PCDH11X: variants seen among roughly 807,000 people sequenced by gnomAD.
The protein encoded by PCDH11X is protocadherin 11 X-linked, also known as protocadherin-11 X-linked.
PCDH11X carries 18 observed loss-of-function variants against 53.3 expected under a neutral mutation model. The observed-to-expected ratio is 0.34, with a 90% CI of 0.23 to 0.50. The LOEUF (loss-of-function observed/expected upper bound fraction) is 0.50. PCDH11X is among the 20% of genes least tolerant of loss of function. The pLI, the probability that PCDH11X is intolerant of heterozygous loss-of-function variation, is 0.98. For missense variants in PCDH11X, 570 were observed against 1,032.4 expected, an observed-to-expected ratio of 0.55 and a Z score of 6.14; for synonymous variants, 279 against 393.3, an observed-to-expected ratio of 0.71 and a Z score of 3.44.
At chrX:92,229,999 T>C (rs946458712) in intron 7 of PCDH11X, among the ~76,000 whole-genome samples, 2 of 110,825 alleles carry the variant, frequency 1.8e-5, no homozygotes, top group African/African-American at 6.5e-5. Flanking sequence ...TTTTCAAGTT[T>C]AGAAACCCGG....
intron 6 of PCDH11X, among the ~76,000 whole-genome samples, chrX:91,902,595 T>C (rs1179228988): frequency 2.7e-5 from 3 of 109,240 alleles, no homozygotes; most frequent in Non-Finnish European, 5.7e-5. Flanking sequence ...TGATGAGTTC[T>C]GATCTCCATA....
chrX:92,229,067 C>G (rs753889434), intron 7 of PCDH11X, among the ~76,000 whole-genome samples: 2 of 111,820 alleles, frequency 1.8e-5, no homozygotes, highest in Non-Finnish European at 3.8e-5. Context: ...AAATTATGCA[C>G]TACAGACTTT....
At chrX:92,321,937 C>A (rs2069224713) in intron 8 of PCDH11X, among the ~76,000 whole-genome samples, 1 of 105,217 alleles carries the variant, frequency 9.5e-6, no homozygotes, top group Admixed American at 1.1e-4. Context: ...GACTATATTA[C>A]ATGCAGCTTT....
chrX:92,300,349 A>C (rs1281462452), intron 8 of PCDH11X, among the ~76,000 whole-genome samples: 3 of 111,308 alleles, frequency 2.7e-5, no homozygotes, highest in Non-Finnish European at 5.6e-5. Context: ...ATGTAAGAAG[A>C]CACTCTGGCT....
intron 6 of PCDH11X, among the ~76,000 whole-genome samples, chrX:92,177,381 A>G (rs1203414437): frequency 9.0e-6 from 1 of 111,559 alleles, no homozygotes; most frequent in Non-Finnish European, 1.9e-5. Flanking sequence ...GCCATTAGAG[A>G]GTGGAGGTTA....
intron 9 of PCDH11X, 60 bp downstream of exon 9, chrX:92,387,993 C>T: frequency 8.4e-7 from 1 of 1,184,399 alleles, no homozygotes; most frequent in South Asian, 1.8e-5. Flanking sequence ...GCAACTCAAG[C>T]TATCATAGCC....
chrX:91,870,165 C>T (rs1403418806), intron 5 of PCDH11X, among the ~76,000 whole-genome samples: 4 of 111,212 alleles, frequency 3.6e-5, no homozygotes, highest in Non-Finnish European at 5.7e-5. Context: ...ATATAACAAC[C>T]CTGATGTCTT....
chrX:91,782,008 G>A (rs1287191523), intron 1 of PCDH11X, among the ~76,000 whole-genome samples: 2 of 109,691 alleles, frequency 1.8e-5, no homozygotes, highest in Non-Finnish European at 3.8e-5. Context: ...CCTTGGCAGG[G>A]GCAGCCCCTC....
chrX:92,005,192 A>G (rs2062578783), intron 6 of PCDH11X, among the ~76,000 whole-genome samples: 1 of 110,835 alleles, frequency 9.0e-6, no homozygotes, highest in Non-Finnish European at 1.9e-5. Context: ...TTTACATTTA[A>G]TGTTACTATT....
At chrX:91,787,631 A>C (rs1935376653) in intron 1 of PCDH11X, among the ~76,000 whole-genome samples, 1 of 111,366 alleles carries the variant, frequency 9.0e-6, no homozygotes, top group Non-Finnish European at 1.9e-5. Flanking sequence ...ATTTTACAAA[A>C]AGCAGTAGAC....
intron 6 of PCDH11X, among the ~76,000 whole-genome samples, chrX:92,147,999 TTC>T (rs199514792): frequency 0.027 from 2,312 of 85,151 alleles, 157 homozygotes; most frequent in African/African-American, 0.099. Flanking sequence ...CTTTCTTTCT[TTC>T]TTTCTTTTTC....
chrX:92,602,591 GGAAA>G (rs982803148), intron 10 of PCDH11X, among the ~76,000 whole-genome samples: 3 of 103,830 alleles, frequency 2.9e-5, no homozygotes, highest in Non-Finnish European at 5.9e-5. Context: ...GAAAAATCAG[GGAAA>G]GAGACTGTCA....
Position 92,360,210 on chromosome X carries a change from C to T in PCDH11X, c.3145-27525C>T, listed in dbSNP as rs1352735479. On this transcript the variant is annotated intron_variant, in intron 8 of 10. Transcript: ENST00000682573. ...TTTGTAAAGTGCTTTATACTTTACA[C>T]ATTGTATACAGTACTTTATACTTTA... 5.4e-5 allele frequency among the ~76,000 whole-genome samples: 6 copies of T among 111,367 alleles called. No homozygotes were observed. The South Asian group carries it at 2.2e-3, about 41-fold the overall frequency.
chrX:92,618,969 A>C lies in PCDH11X; in HGVS notation c.*29A>C. On this transcript the variant is annotated 3_prime_UTR_variant, in exon 11 of 11. Coordinates refer to ENST00000682573, the MANE Select transcript of PCDH11X (RefSeq NM_032968.5). ...TAAAATAGTTACTTCAAATTTTCAG[A>C]AAAGATGTATATAGTCAAAATTTAA... 1 of 1,194,318 alleles carries C rather than the reference A, an allele frequency of 8.4e-7. No homozygotes were observed. Among genetic ancestry groups the C allele is most frequent in the East Asian group, 3.0e-5 (1 of 33,668 alleles).
chrX:91,983,316 A>G lies in PCDH11X; in HGVS notation c.3033+104043A>G, dbSNP rs180970530. ...GTAAACGTCAGGCCGTACTCAGTCC[A>G]TCTGTACTTGGTTTCCAGACTGCCC... On this transcript the variant is annotated intron_variant, in intron 6 of 10. Coordinates refer to ENST00000682573, the MANE Select transcript of PCDH11X (RefSeq NM_032968.5). 1.4e-3 allele frequency: 1,466 copies of G among 1,055,981 alleles called. 12 individuals are homozygous for G. In the African/African-American group the frequency reaches 0.024, roughly 17 times the overall value. 87.0% of individuals were successfully genotyped at this position (1,055,981 alleles called of 1,213,427 possible).
At chrX:92,393,913 A>ATT (rs773220155) in intron 9 of PCDH11X, among the ~76,000 whole-genome samples, 1 of 111,460 alleles carries the variant, frequency 9.0e-6, no homozygotes, top group South Asian at 3.7e-4. Flanking sequence ...TAATTTTACC[A>ATT]TTTAAACTGA....
At chrX:92,037,244 G>A (rs1416977592) in intron 6 of PCDH11X, among the ~76,000 whole-genome samples, 1 of 108,806 alleles carries the variant, frequency 9.2e-6, no homozygotes, top group African/African-American at 3.4e-5. Flanking sequence ...AGTGTGTGAT[G>A]TTACCCTCCC....
intron 8 of PCDH11X, among the ~76,000 whole-genome samples, chrX:92,378,420 T>C (rs2070799702): frequency 9.1e-6 from 1 of 109,593 alleles, no homozygotes; most frequent in South Asian, 3.8e-4. Flanking sequence ...AATATGATCA[T>C]ATTAAAATGC....
At chrX:92,277,804 A>G (rs901857973) in intron 8 of PCDH11X, among the ~76,000 whole-genome samples, 1 of 110,349 alleles carries the variant, frequency 9.1e-6, no homozygotes, top group Non-Finnish European at 1.9e-5. Context: ...AGTGAAGGAG[A>G]TGGGGTTGAA....
Sources: allele counts gnomAD v4.1 joint callset (sites outside exome capture counted in the v4.1 genomes callset), GRCh38; gene constraint gnomAD v4.1.1; transcripts MANE v1.5; gene names NCBI Gene and HGNC (gene_info 2026-07-23, HGNC 2026-07-21).